TMEM132D: variants seen among roughly 807,000 people sequenced by gnomAD.
TMEM132D encodes mature OL transmembrane protein.
TMEM132D carries 21 observed loss-of-function variants against 62.3 expected under a neutral mutation model. The observed-to-expected ratio is 0.34, with a 90% confidence interval of 0.24 to 0.49. The LOEUF (loss-of-function observed/expected upper bound fraction) is 0.49, where lower values mean the gene tolerates loss of function less well. Ranked by LOEUF, TMEM132D falls within the 20% of genes least tolerant of loss-of-function variation. The pLI is 0.99. For missense variants in TMEM132D, 1,346 were observed against 1,402.8 expected (o/e 0.96, Z 0.65); for synonymous variants, 621 against 575.6 (o/e 1.08, Z -1.13).
intron 3 of TMEM132D, among the ~76,000 whole-genome samples, chr12:129,463,939 G>A (rs2137041477): frequency 6.7e-6 from 1 of 150,078 alleles, no homozygotes; most frequent in East Asian, 1.9e-4. Context: ...AAACATACGT[G>A]TGCATGTGTC....
At chr12:129,568,496 A>G (rs1462496479) in intron 2 of TMEM132D, among the ~76,000 whole-genome samples, 1 of 152,210 alleles carries the variant, frequency 6.6e-6, no homozygotes, top group African/African-American at 2.4e-5. Context: ...ATCTTTTATT[A>G]TATCAACAGC....
At chr12:129,252,687 C>G (rs566621712) in intron 4 of TMEM132D, among the ~76,000 whole-genome samples, 1 of 152,240 alleles carries the variant, frequency 6.6e-6, no homozygotes, top group Non-Finnish European at 1.5e-5. Context: ...CATCCCATTA[C>G]TGGGTATATA....
At chr12:129,356,385 T>C (rs1205943812) in intron 3 of TMEM132D, among the ~76,000 whole-genome samples, 3 of 26,422 alleles carry the variant, frequency 1.1e-4, no homozygotes, top group African/African-American at 4.2e-4. Flanking sequence ...TCTCGATCTC[T>C]TGACCTCGTG....
chr12:129,854,151 G>A (rs1010281295), intron 1 of TMEM132D, among the ~76,000 whole-genome samples: 2 of 152,126 alleles, frequency 1.3e-5, no homozygotes, highest in Non-Finnish European at 2.9e-5. Context: ...TGCTTAACGT[G>A]GGGAATAAAG....
chr12:129,094,186 C>T (rs1252473423), intron 5 of TMEM132D, among the ~76,000 whole-genome samples: 6 of 151,726 alleles, frequency 4.0e-5, no homozygotes, highest in African/African-American at 1.4e-4. Flanking sequence ...CAAATGGAAT[C>T]TAATTAAACT....
Position 129,451,891 on chromosome 12 carries a change from G to A in TMEM132D, c.1115+79168C>T, listed in dbSNP as rs373104553. On this transcript the variant is annotated intron_variant, in intron 3 of 8. Coordinates refer to ENST00000422113, the MANE Select transcript of TMEM132D (RefSeq NM_133448.3). ...GCTATACTAGCTGCAAAGGAACCTG[G>A]AAGTTGTTTTACCTGGGAGCATTGC... Among the ~76,000 whole-genome samples, 176 of 152,316 alleles carry A rather than the reference G, an allele frequency of 1.2e-3. 1 individual carries two copies. Among genetic ancestry groups the A allele is most frequent in the African/African-American group, 3.8e-3 (160 of 41,564 alleles).
intron 1 of TMEM132D, among the ~76,000 whole-genome samples, chr12:129,765,175 T>C (rs1028516670): frequency 1.3e-5 from 2 of 152,202 alleles, no homozygotes; most frequent in African/African-American, 2.4e-5. Flanking sequence ...GTCTAGACTC[T>C]AGAGGGCATC....
intron 1 of TMEM132D, among the ~76,000 whole-genome samples, chr12:129,731,667 A>ATTTT (rs34137135): frequency 1.3e-4 from 19 of 148,976 alleles, no homozygotes; most frequent in African/African-American, 4.4e-4. Flanking sequence ...GCCACTGGAA[A>ATTTT]TTTTTTTTTT....
intron 1 of TMEM132D, among the ~76,000 whole-genome samples, chr12:129,820,883 C>T (rs1872526040): frequency 6.6e-6 from 1 of 152,210 alleles, no homozygotes; most frequent in African/African-American, 2.4e-5. Context: ...ACCAACACGC[C>T]TGGCTGCCCC....
At chr12:129,516,830 T>C (rs1418881415) in intron 3 of TMEM132D, among the ~76,000 whole-genome samples, 1 of 152,192 alleles carries the variant, frequency 6.6e-6, no homozygotes, top group African/African-American at 2.4e-5. Flanking sequence ...GAAATCAAGG[T>C]GTTGGCCAGG....
chr12:129,563,274 T>G (rs1440309583), intron 2 of TMEM132D, among the ~76,000 whole-genome samples: 1 of 152,200 alleles, frequency 6.6e-6, no homozygotes, highest in Non-Finnish European at 1.5e-5. Flanking sequence ...CTTCAAGATC[T>G]TGTTCAAGGG....
intron 1 of TMEM132D, among the ~76,000 whole-genome samples, chr12:129,780,220 G>C (rs1380808433): frequency 6.7e-6 from 1 of 149,714 alleles, no homozygotes; most frequent in Non-Finnish European, 1.5e-5. Flanking sequence ...TCCCCGTCCC[G>C]CTGTGTGCTG....
chr12:129,779,515 T>C lies in TMEM132D; in HGVS notation c.80-78817A>G, dbSNP rs1288856816. ...CCAGGCTGGTCTCAAACTCATGGAC[T>C]CAAACCACCTGCCTGCCTCAGCCTC... On this transcript the variant is annotated intron_variant, in intron 1 of 8. Coordinates refer to ENST00000422113, the MANE Select transcript of TMEM132D (RefSeq NM_133448.3). This position sits in a 1 kb window ranked among gnomAD's most constrained non-coding sequence, Gnocchi z 4.1. 1.3e-5 allele frequency among the ~76,000 whole-genome samples: 2 copies of C among 152,184 alleles called. No homozygotes were observed. The highest frequency in any genetic ancestry group is 4.8e-5 in the African/African-American group (2 of 41,444).
At chr12:129,644,346 G>T (rs768756923) in intron 2 of TMEM132D, among the ~76,000 whole-genome samples, 76 of 152,130 alleles carry the variant, frequency 5.0e-4, no homozygotes, top group Non-Finnish European at 9.1e-4. Context: ...GCTTCTTCAA[G>T]TCCCTTCTCT....
At chr12:129,119,677 G>A (rs1167530922) in intron 5 of TMEM132D, among the ~76,000 whole-genome samples, 1 of 152,202 alleles carries the variant, frequency 6.6e-6, no homozygotes, top group Non-Finnish European at 1.5e-5. Flanking sequence ...CAGGGTTAGT[G>A]TAGTTTCTTC....
At chr12:129,519,076 T>C (rs1875769353) in intron 3 of TMEM132D, among the ~76,000 whole-genome samples, 1 of 152,226 alleles carries the variant, frequency 6.6e-6, no homozygotes, top group South Asian at 2.1e-4. Context: ...AGATACTTTT[T>C]CCCTTTAATT....
At chr12:129,672,843 G>C (rs982630299) in intron 2 of TMEM132D, among the ~76,000 whole-genome samples, 4 of 152,160 alleles carry the variant, frequency 2.6e-5, no homozygotes, top group Non-Finnish European at 4.4e-5. Context: ...TGCCTCCCGG[G>C]TTCAAGCGAT....
intron 4 of TMEM132D, among the ~76,000 whole-genome samples, chr12:129,334,340 G>C (rs1205449257): frequency 6.8e-6 from 1 of 147,158 alleles, no homozygotes; most frequent in Non-Finnish European, 1.5e-5. Context: ...TAATTTGGAG[G>C]AAGAGTGATG....
intron 3 of TMEM132D, among the ~76,000 whole-genome samples, chr12:129,519,862 G>A (rs887235845): frequency 2.8e-4 from 43 of 151,998 alleles, no homozygotes; most frequent in African/African-American, 4.6e-4. Flanking sequence ...GCCCGCCTCC[G>A]CCTCCCAAAG....
Sources: allele counts gnomAD v4.1 joint callset (sites outside exome capture counted in the v4.1 genomes callset), GRCh38; gene constraint gnomAD v4.1.1; non-coding constraint Gnocchi (gnomAD v3.1); transcripts MANE v1.5; gene names NCBI Gene and HGNC (gene_info 2026-07-23, HGNC 2026-07-21).